Variants in EIF4G2 observed in about 807,000 individuals in gnomAD.
EIF4G2 encodes the protein DAP-5.
EIF4G2 carries 8 observed loss-of-function variants against 117.7 expected under a neutral mutation model. The observed-to-expected ratio is 0.07, with a 90% CI of 0.04 to 0.12. The LOEUF (loss-of-function observed/expected upper bound fraction) is 0.12. Ranked by LOEUF, EIF4G2 falls within the 10% of genes least tolerant of loss-of-function variation. The probability of loss-of-function intolerance (pLI) is 1.00; values close to 1 mark genes in which losing one functional copy is unlikely to be tolerated. For synonymous variants in EIF4G2, 413 were observed against 367.8 expected (o/e 1.12, Z -1.41); for missense variants, 812 against 1,086.2 (o/e 0.75, Z 3.55).
intron 11 of EIF4G2, 25 bp from the exon 12 acceptor site, chr11:10,802,460 CTT>C (rs1847449056): frequency 2.0e-6 from 3 of 1,537,512 alleles, no homozygotes; most frequent in Non-Finnish European, 2.6e-6. Context: ...TGAATATGCA[CTT>C]TTTGTCTCTG....
rs1590038574 is a variant in EIF4G2 at position 10,799,132 on chromosome 11, A to G, written c.2537-19T>C. On this transcript the variant is annotated intron_variant, in intron 20 of 21. Coordinates refer to ENST00000339995, the MANE Select transcript of EIF4G2 (RefSeq NM_001418.4). ...AACATGCCTTAAAAAAAAAAAAAAA[A>G]AGAAAAAAGTAATAAGCCCATTATT... The G allele has an allele frequency of 6.5e-7, 1 of 1,546,610 alleles. No individual in the cohort carries two copies. Among genetic ancestry groups the G allele is most frequent in the Non-Finnish European group, 8.7e-7 (1 of 1,147,382 alleles).
rs567136820 is a variant in EIF4G2 at position 10,806,504 on chromosome 11, T to C, written c.107+316A>G. On this transcript the variant is annotated intron_variant, in intron 3 of 21. Transcript: ENST00000339995. ...TGCCAATAAACACTTTCTAATGTTT[T>C]ATTGACCATGTTGAGTGCGTACTAC... is the stretch of plus-strand genomic sequence containing the variant. The C allele has an allele frequency of 1.8e-4, 63 of 351,762 alleles. 1 individual carries two copies. In the South Asian group the frequency reaches 2.6e-3, roughly 14 times the overall value. The allele number at this position is 351,762 out of a possible 1,614,324, so 21.8% of individuals were successfully genotyped here. A position where few individuals can be genotyped will look rare whatever the true frequency, so the allele number is the denominator to read the frequency against.
rs12364254 is a variant in EIF4G2, at chr11:10,802,814, T to A, written c.996+216A>T. ...CCTGGGAGGCAGAGGCTGCAGTGAA[T>A]CGAGAATGCGCCACTGCACTCCAGC... On this transcript the variant is annotated intron_variant, in intron 11 of 21. Coordinates refer to ENST00000339995, the MANE Select transcript of EIF4G2 (RefSeq NM_001418.4). 7.7e-3 allele frequency among the ~76,000 whole-genome samples: 1,176 copies of A among 152,166 alleles called. 9 individuals carry two copies. Among genetic ancestry groups the A allele is most frequent in the Non-Finnish European group, 0.011 (721 of 67,992 alleles).
chr11:10,804,212 G>C lies in EIF4G2; in HGVS notation c.484-9C>G, dbSNP rs774989151. The C allele has an allele frequency of 2.5e-5, 41 of 1,613,754 alleles. No individual in the cohort carries two copies. The highest frequency in any genetic ancestry group is 3.3e-5 in the Admixed American group (2 of 59,878). ...AGGAGGCGTCTGAATGTCTGGAAAA[G>C]AAGACATTGTCATGCTTTATTAAGG... is the stretch of plus-strand genomic sequence containing the variant. On this transcript the variant is annotated splice_polypyrimidine_tract_variant and intron_variant, in intron 6 of 21. Transcript: ENST00000339995.
rs141647254 is a variant in EIF4G2 at position 10,799,686 on chromosome 11, G to A, written c.2190C>T (p.Leu730=). 1 of 1,614,094 alleles carries A rather than the reference G, an allele frequency of 6.2e-7. No individual in the cohort carries two copies. The highest frequency in any genetic ancestry group is 1.3e-5 in the African/African-American group (1 of 75,004). ...TCAACAGTTCCTTCTCCAATTTGAG[G>A]AGTGGGAATAAGAAACTCAGTCCCT... Residue 730 remains leucine (L), a synonymous_variant, in exon 19 of 22, where the codon CTC becomes CTT. Coordinates refer to ENST00000339995, the MANE Select transcript of EIF4G2 (RefSeq NM_001418.4).
In EIF4G2 at chr11:10,803,357, A is replaced by C; in HGVS notation, c.814-63T>G. The stretch of plus-strand genomic sequence containing the variant: ...GCAAATGTGTTCAATTTACAGCTTT[A>C]AGACTTCTAAAATTATAACCCAGTT... On this transcript the variant is annotated intron_variant, in intron 9 of 21. Coordinates refer to ENST00000339995, the MANE Select transcript of EIF4G2 (RefSeq NM_001418.4). This position sits in a 1 kb window ranked among gnomAD's most constrained non-coding sequence, Gnocchi z 4.0. 1.6e-5 allele frequency: 25 copies of C among 1,585,066 alleles called. No homozygotes were observed. The South Asian group carries it at 2.8e-4, about 18-fold the overall frequency.
In EIF4G2 at chr11:10,803,616, CA is replaced by C; in HGVS notation, c.703-27del. 1 of 1,593,374 alleles carries C rather than the reference CA, an allele frequency of 6.3e-7. No individual in the cohort carries two copies. Among genetic ancestry groups the C allele is most frequent in the Non-Finnish European group, 8.6e-7 (1 of 1,163,334 alleles). ...CTACAAGAATAAAAGGCCATGGTGA[CA>C]AAGTTTTAGTTACTCTGGTTTAGGC... On this transcript the variant is annotated intron_variant, in intron 8 of 21. Transcript: ENST00000339995. The surrounding 1 kb of genome is among the most constrained non-coding windows in gnomAD (Gnocchi z 4.0).
chr11:10,799,016 C>A lies in EIF4G2; in HGVS notation c.2634G>T (p.Pro878=). The stretch of plus-strand genomic sequence containing the variant: ...CCTGGAACAAAGCCTTGCCTTTTCC[C>A]GGAAACTCTTGGGTTATATCTTCTT... The change falls in exon 21 of 22, where the codon CCG becomes CCT. Residue 878 remains proline, a synonymous_variant. Transcript: ENST00000339995. 1.2e-6 allele frequency: 2 copies of A among 1,610,028 alleles called. No individual in the cohort carries two copies. The highest frequency in any genetic ancestry group is 1.7e-6 in the Non-Finnish European group (2 of 1,178,972).
chr11:10,799,291 G>A lies in EIF4G2; in HGVS notation c.2458C>T (p.Leu820Phe), dbSNP rs770868581. 3 of 1,614,026 alleles carry A rather than the reference G, an allele frequency of 1.9e-6. No individual in the cohort carries two copies. Among genetic ancestry groups the A allele is most frequent in the African/African-American group, 1.3e-5 (1 of 74,922 alleles). ...ACTTGTAGATCAACGTGATCATGAA[G>A]AAATTTCTGCATTACTGGCTTGAAA... is the stretch of plus-strand genomic sequence containing the variant. The change falls in exon 20 of 22, where the codon CTT (leucine) becomes TTT (phenylalanine). Residue 820 changes from leucine to phenylalanine, a missense_variant. Leu to Phe is a conservative substitution (Grantham distance 22). Coordinates refer to ENST00000339995, the MANE Select transcript of EIF4G2 (RefSeq NM_001418.4).
At chr11:10,808,406 T>C in intron 1 of EIF4G2, 1 of 1,254,844 alleles carries the variant, frequency 8.0e-7, no homozygotes, top group Non-Finnish European at 1.0e-6. Context: ...TCCCTCGCCG[T>C]CCGAGCACAG....
At position 10,802,108 on chromosome 11, in the gene EIF4G2, T is replaced by A. The variant is rs375575231; in HGVS notation, c.1240A>T (p.Ile414Phe). Reference sequence around the variant, plus strand: ...AACTGCGATTGTGTGGGAGGCATGATGTGTCCCCCATGGCCATTGAAGAGT... The same window carrying A: ...AACTGCGATTGTGTGGGAGGCATGAAGTGTCCCCCATGGCCATTGAAGAGT... The change falls in exon 13 of 22, where the codon ATC becomes TTC. Residue 414 changes from isoleucine (I) to phenylalanine (F), a missense_variant. Physicochemically the swap from Ile to Phe is conservative, Grantham distance 21. Transcript: ENST00000339995. 2.5e-5 allele frequency: 29 copies of A among 1,158,612 alleles called. No individual in the cohort carries two copies. The highest frequency in any genetic ancestry group is 3.9e-5 in the African/African-American group (1 of 25,382). 71.8% of individuals were successfully genotyped at this position (1,158,612 alleles called of 1,614,324 possible).
chr11:10,800,879 T>C (rs745782699), intron 15 of EIF4G2, 44 bp from the exon 16 acceptor site: 4 of 1,612,242 alleles, frequency 2.5e-6, no homozygotes, highest in East Asian at 2.2e-5. Flanking sequence ...AAGAGGACTA[T>C]GAAATTAGGG....
chr11:10,805,226 G>A (rs541021989), intron 4 of EIF4G2, among the ~76,000 whole-genome samples: 53 of 152,188 alleles, frequency 3.5e-4, no homozygotes, highest in Non-Finnish European at 7.1e-4. Flanking sequence ...GTCCCCAGCT[G>A]TTTGACAAGA....
At chr11:10,807,430 T>C (rs1847611724) in intron 1 of EIF4G2, 49 bp from the exon 2 acceptor site, 1 of 1,511,038 alleles carries the variant, frequency 6.6e-7, no homozygotes, top group Admixed American at 2.2e-5. Flanking sequence ...CATACAGATC[T>C]ATAAGCCTTC....
At position 10,804,296 on chromosome 11, in the gene EIF4G2, C is replaced by T. The variant is rs746073542; in HGVS notation, c.474G>A (p.Lys158=). ...AAAAACTACCACTTACGGTGCTTTG[C>T]TTCTGTCCTGGTTGACCCTCTGCTG... The change falls in exon 6 of 22, where the codon AAG becomes AAA. Residue 158 remains lysine (K), a synonymous_variant. Coordinates refer to ENST00000339995, the MANE Select transcript of EIF4G2 (RefSeq NM_001418.4). The T allele has an allele frequency of 6.2e-7, 1 of 1,613,892 alleles. No homozygotes were observed. Among genetic ancestry groups the T allele is most frequent in the Non-Finnish European group, 8.5e-7 (1 of 1,179,902 alleles).
In EIF4G2 at chr11:10,797,725, C is replaced by T; in HGVS notation, c.*91G>A. 3.1e-6 allele frequency: 4 copies of T among 1,306,256 alleles called. No individual in the cohort carries two copies. The highest frequency in any genetic ancestry group is 1.2e-5 in the South Asian group (1 of 81,024). The allele number at this position is 1,306,256 out of a possible 1,614,324, so 80.9% of individuals were successfully genotyped here. A position where few individuals can be genotyped will look rare whatever the true frequency, so the allele number is the denominator to read the frequency against. ...TGCTTTAAATATTGTGAAAACATTA[C>T]AGCGGAATGAATTTTCGCAGTGGTT... On this transcript the variant is annotated 3_prime_UTR_variant, in exon 22 of 22. Coordinates refer to ENST00000339995, the MANE Select transcript of EIF4G2 (RefSeq NM_001418.4). The surrounding 1 kb of genome is among the most constrained non-coding windows in gnomAD (Gnocchi z 4.5).
At chr11:10,808,574 G>T in intron 1 of EIF4G2, 131 bp downstream of exon 1, 1 of 982,338 alleles carries the variant, frequency 1.0e-6, no homozygotes, top group Non-Finnish European at 1.3e-6. Context: ...AAGCGCAGAG[G>T]AAATGCTAAA....
chr11:10,806,946 G>A, intron 2 of EIF4G2, 61 bp from the exon 3 acceptor site: 12 of 1,011,002 alleles, frequency 1.2e-5, no homozygotes, highest in Non-Finnish European at 1.7e-5. Flanking sequence ...AAAAGAATAA[G>A]CATCTATTTT....
rs146573999 is a variant in EIF4G2, at chr11:10,802,225, C to A, written c.1139-16G>T. On this transcript the variant is annotated splice_polypyrimidine_tract_variant and intron_variant, in intron 12 of 21. Transcript: ENST00000339995. ...ATTCCGCTACCTTAAAATACATATA[C>A]GGACAACTCTCAAAACTAAAGTTAA... 6.2e-7 allele frequency: 1 copy of A among 1,612,676 alleles called. No homozygotes were observed. Among genetic ancestry groups the A allele is most frequent in the Admixed American group, 1.7e-5 (1 of 59,854 alleles).
Sources: allele counts gnomAD v4.1 joint callset (sites outside exome capture counted in the v4.1 genomes callset), GRCh38; gene constraint gnomAD v4.1.1; non-coding constraint Gnocchi (gnomAD v3.1); transcripts MANE v1.5; gene names NCBI Gene and HGNC (gene_info 2026-07-23, HGNC 2026-07-21).